PCDHGA7: variants seen among roughly 807,000 people sequenced by gnomAD.
PCDHGA7 encodes protocadherin gamma-A7.
Under a neutral mutation model 58.3 loss-of-function variants are expected in PCDHGA7, and 44 were observed. That is an observed-to-expected ratio of 0.75 (90% CI 0.59 to 0.97). The LOEUF is 0.97. PCDHGA7 is among the 50% of genes least tolerant of loss of function. The probability of loss-of-function intolerance (pLI) is 0.00; values close to 1 mark genes in which losing one functional copy is unlikely to be tolerated. For synonymous variants in PCDHGA7, 516 were observed against 504.2 expected (o/e 1.02, Z -0.31); for missense variants, 1,266 against 1,188.7 (o/e 1.06, Z -0.96).
At chr5:141,497,209 TG>T (rs11343387) in intron 2 of PCDHGA7, among the ~76,000 whole-genome samples, 90,704 of 151,262 alleles carry the variant, frequency 0.6, 29,397 homozygotes, top group African/African-American at 0.86. Context: ...GTGAGTGTAA[TG>T]GGGGGGGGAA....
At position 141,487,991 on chromosome 5, in the gene PCDHGA7, G is replaced by C. The variant is rs932744807; in HGVS notation, c.2425-6816G>C. ...GCTGTTTTCTCTACTCTTCCTGAAA[G>C]AGGGGATCAGATTCTGAAGTACCTT... On this transcript the variant is annotated intron_variant, in intron 1 of 3. Coordinates refer to ENST00000518325, the MANE Select transcript of PCDHGA7 (RefSeq NM_018920.4). The surrounding 1 kb of genome is among the most constrained non-coding windows in gnomAD (Gnocchi z 5.0). 2.6e-5 allele frequency among the ~76,000 whole-genome samples: 4 copies of C among 152,194 alleles called. No homozygotes were observed. The highest frequency in any genetic ancestry group is 4.4e-5 in the Non-Finnish European group (3 of 68,030).
At chr5:141,504,959 T>C (rs1297800554) in intron 2 of PCDHGA7, among the ~76,000 whole-genome samples, 2 of 152,038 alleles carry the variant, frequency 1.3e-5, no homozygotes, top group Non-Finnish European at 2.9e-5. Flanking sequence ...GTTCAATGCA[T>C]TGGACCAGCC....
intron 3 of PCDHGA7, among the ~76,000 whole-genome samples, chr5:141,508,871 A>T (rs981330486): frequency 5.3e-5 from 8 of 152,062 alleles, no homozygotes; most frequent in East Asian, 3.9e-4. Flanking sequence ...AAGGCTGAAG[A>T]GGCTGACGGC....
chr5:141,415,284 G>T (rs186109113), intron 1 of PCDHGA7: 1 of 1,614,198 alleles, frequency 6.2e-7, no homozygotes, highest in East Asian at 2.2e-5. Context: ...CGGTGGCCGC[G>T]GTCTCCTGCG....
intron 1 of PCDHGA7, among the ~76,000 whole-genome samples, chr5:141,435,732 C>T (rs2097777160): frequency 6.6e-6 from 1 of 152,150 alleles, no homozygotes; most frequent in South Asian, 2.1e-4. Flanking sequence ...AAGTGTATTA[C>T]TCTTTGAAAA....
chr5:141,479,845 A>T (rs895639749), intron 1 of PCDHGA7, among the ~76,000 whole-genome samples: 4 of 152,210 alleles, frequency 2.6e-5, no homozygotes, highest in Admixed American at 1.3e-4. Flanking sequence ...ATGCAAGGTG[A>T]CTGCAAGGCC....
chr5:141,481,780 C>T (rs781334437), intron 1 of PCDHGA7, among the ~76,000 whole-genome samples: 3 of 152,016 alleles, frequency 2.0e-5, no homozygotes, highest in African/African-American at 7.2e-5. Flanking sequence ...GGTGAAACCC[C>T]GTCTCTACTA....
At chr5:141,409,137 T>G (rs748502213) in intron 1 of PCDHGA7, 1 of 1,613,936 alleles carries the variant, frequency 6.2e-7, no homozygotes, top group Non-Finnish European at 8.5e-7. Flanking sequence ...TTTGAAGATG[T>G]AGAAAGGTAC....
chr5:141,422,409 A>G, intron 1 of PCDHGA7: 1 of 1,601,728 alleles, frequency 6.2e-7, no homozygotes. Flanking sequence ...TGCCTTTTAA[A>G]TTAGAAAAGA....
chr5:141,440,959 G>A (rs1313315196), intron 1 of PCDHGA7: 1 of 152,216 alleles, frequency 6.6e-6, no homozygotes, highest in Non-Finnish European at 1.5e-5. Flanking sequence ...TCAAGGCAGA[G>A]ATCACATATG....
At chr5:141,502,288 G>C (rs2099813700) in intron 2 of PCDHGA7, among the ~76,000 whole-genome samples, 1 of 151,338 alleles carries the variant, frequency 6.6e-6, no homozygotes, top group African/African-American at 2.5e-5. Flanking sequence ...ATTGCATTTG[G>C]TTGTCACGTC....
intron 1 of PCDHGA7, chr5:141,399,617 T>G: frequency 6.2e-7 from 1 of 1,613,944 alleles, no homozygotes; most frequent in Non-Finnish European, 8.5e-7. Flanking sequence ...CCTCTGGCAC[T>G]GGCCTCTTAC....
chr5:141,468,648 C>G (rs60206946), intron 1 of PCDHGA7: 27,626 of 151,800 alleles, frequency 0.18, 2,687 homozygotes, highest in Admixed American at 0.28. Flanking sequence ...GGGCGGATCA[C>G]AAGGTCAGGA....
intron 1 of PCDHGA7, chr5:141,404,365 C>G (rs1322773399): frequency 1.2e-6 from 2 of 1,613,818 alleles, no homozygotes; most frequent in Admixed American, 3.3e-5. Context: ...GTACTTCCAT[C>G]TTCTCCGTGA....
At chr5:141,488,083 C>T (rs917074240) in intron 1 of PCDHGA7, among the ~76,000 whole-genome samples, 1 of 152,152 alleles carries the variant, frequency 6.6e-6, no homozygotes, top group African/African-American at 2.4e-5. Context: ...GTATCTAGTA[C>T]ACTGTGAAGG....
At chr5:141,442,309 G>C (rs1483682583) in intron 1 of PCDHGA7, 1 of 152,418 alleles carries the variant, frequency 6.6e-6, no homozygotes, top group Non-Finnish European at 1.5e-5. Flanking sequence ...TCTTTCCCAC[G>C]GATGTCTATC....
At position 141,409,172 on chromosome 5, in the gene PCDHGA7, G is replaced by T. The variant is rs574905228; in HGVS notation, c.2424+23849G>T. ...CACCATGGAAGTGGAAGCGAAGGAC[G>T]GAGGTGGTCTCTCTACCCAGTGTAA... On this transcript the variant is annotated intron_variant, in intron 1 of 3. Coordinates refer to ENST00000518325, the MANE Select transcript of PCDHGA7 (RefSeq NM_018920.4). The T allele has an allele frequency of 1.4e-5, 22 of 1,614,006 alleles. No homozygotes were observed. In the South Asian group the frequency reaches 2.4e-4, roughly 18 times the overall value.
At position 141,502,487 on chromosome 5, in the gene PCDHGA7, C is replaced by T. The variant is rs563658817; in HGVS notation, c.2484-2906C>T. ...TACTTCCCGCAGCATCACACTGGGACTCATCTAACGTCGGCCTGTCCCACT... is the reference window on the plus strand; with the variant it reads ...TACTTCCCGCAGCATCACACTGGGATTCATCTAACGTCGGCCTGTCCCACT... On this transcript the variant is annotated intron_variant, in intron 2 of 3. Coordinates refer to ENST00000518325, the MANE Select transcript of PCDHGA7 (RefSeq NM_018920.4). Among the ~76,000 whole-genome samples, 92 of 152,298 alleles carry T rather than the reference C, an allele frequency of 6.0e-4. 3 individuals are homozygous for T. The highest frequency in any genetic ancestry group is 1.5e-4 in the Non-Finnish European group (10 of 68,030).
chr5:141,470,794 C>T (rs1332287628), intron 1 of PCDHGA7, among the ~76,000 whole-genome samples: 1 of 152,162 alleles, frequency 6.6e-6, no homozygotes, highest in African/African-American at 2.4e-5. Flanking sequence ...CTCAAGCAAT[C>T]CTCCCACTTC....
Sources: gnomAD v4.1 joint callset for allele counts (sites outside exome capture counted in the v4.1 genomes callset) on GRCh38, gnomAD v4.1.1 for gene constraint, Gnocchi (gnomAD v3.1) non-coding constraint, MANE v1.5 for transcripts, NCBI Gene and HGNC (gene_info 2026-07-23, HGNC 2026-07-21) for gene names.